Variants in BCORL1 observed in about 807,000 individuals in gnomAD.
BCORL1 encodes BCL-6 corepressor-like protein 1.
Under a neutral mutation model 87.6 loss-of-function variants are expected in BCORL1, and 7 were observed. The ratio of observed to expected loss-of-function variants is 0.08; its 90% CI spans 0.05 to 0.15. The LOEUF (loss-of-function observed/expected upper bound fraction) is 0.15, where lower values mean the gene tolerates loss of function less well. BCORL1 is among the 10% of genes least tolerant of loss of function. The probability of loss-of-function intolerance (pLI) is 1.00; values close to 1 mark genes in which losing one functional copy is unlikely to be tolerated. For synonymous variants in BCORL1, 591 were observed against 634.4 expected, an observed-to-expected ratio of 0.93 and a Z score of 1.03; for missense variants, 1,215 against 1,499.7, an observed-to-expected ratio of 0.81 and a Z score of 3.13.
intron 1 of BCORL1, among the ~76,000 whole-genome samples, chrX:130,003,562 G>A (rs745603893): frequency 9.1e-6 from 1 of 110,149 alleles, no homozygotes; most frequent in African/African-American, 3.3e-5. Context: ...GTAGAGACAG[G>A]GTTTCTCCAT....
At chrX:130,037,271 G>A (rs753802238) in intron 9 of BCORL1, 96 bp from the exon 10 acceptor site, 13 of 915,644 alleles carry the variant, frequency 1.4e-5, no homozygotes, top group Non-Finnish European at 2.1e-5. Context: ...CAGGCTCTGA[G>A]ACTCCTCAGA....
chrX:130,012,992 G>A lies in BCORL1; in HGVS notation c.220G>A (p.Ala74Thr). 4 of 1,204,694 alleles carry A rather than the reference G, an allele frequency of 3.3e-6. No individual in the cohort carries two copies. The highest frequency in any genetic ancestry group is 3.4e-6 in the Non-Finnish European group (3 of 890,199). Reference sequence around the variant, plus strand: ...TGGAAGTGGCAGCAATGCCCGGGGGGCAGACCCAGATGGCAGTGCTACAGA... The same window carrying A: ...TGGAAGTGGCAGCAATGCCCGGGGGACAGACCCAGATGGCAGTGCTACAGA... Reference protein sequence around the residue: ...AVGSGSNARGADPDGSATEKL... With the variant: ...AVGSGSNARGTDPDGSATEKL... The change falls in exon 4 of 14, where the codon GCA (alanine) becomes ACA (threonine). Residue 74 changes from alanine to threonine, a missense_variant. Physicochemically the swap from Ala to Thr is moderately conservative, Grantham distance 58. This residue lies in a region of BCORL1 where 861 missense variants were observed against 1,010.0 expected (regional missense o/e 0.85). Transcript: ENST00000540052.
At position 130,039,260 on chromosome X, in the gene BCORL1, C is replaced by T; in HGVS notation, c.4818C>T (p.Asp1606=). ...GQTAMKLASS[D]TMKRFLSDHL... is the part of the protein sequence containing the mutation. Reference sequence around the variant, plus strand: ...CAGCCATGAAGCTGGCCAGCAGCGACACCATGAAGCGCTTTCTCAGTGGTA... The same window carrying T: ...CAGCCATGAAGCTGGCCAGCAGCGATACCATGAAGCGCTTTCTCAGTGGTA... The change falls in exon 11 of 14, where the codon GAC becomes GAT. Residue 1606 remains aspartate, a synonymous_variant. Transcript: ENST00000540052. The T allele has an allele frequency of 8.3e-7, 1 of 1,210,473 alleles. No individual in the cohort carries two copies. The highest frequency in any genetic ancestry group is 1.1e-6 in the Non-Finnish European group (1 of 895,489).
intron 5 of BCORL1, 142 bp downstream of exon 5, chrX:130,021,292 A>C: frequency 9.5e-7 from 1 of 1,052,254 alleles, no homozygotes. Flanking sequence ...GATATGATTG[A>C]CCCCTCTGAA....
intron 4 of BCORL1, among the ~76,000 whole-genome samples, chrX:130,018,212 C>T (rs1027522938): frequency 8.9e-6 from 1 of 112,003 alleles, no homozygotes; most frequent in Non-Finnish European, 1.9e-5. Context: ...AGTATCTACT[C>T]ATAGAGTTGT....
chrX:130,008,490 C>T (rs1268318598), intron 2 of BCORL1, among the ~76,000 whole-genome samples: 3 of 110,679 alleles, frequency 2.7e-5, no homozygotes, highest in Admixed American at 1.9e-4. Context: ...CTCGAACTCC[C>T]GACCTCTGGT....
chrX:130,034,581 A>G lies in BCORL1; in HGVS notation c.4432A>G (p.Thr1478Ala). ...ASSEEASESP[T>A]ARQIPPEARR... ...CTCAGAGGAGGCCTCAGAGTCACCT[A>G]CAGCCCGGCAGATCCCCCCAGAGGC... is the stretch of plus-strand genomic sequence containing the variant. Residue 1478 changes from threonine to alanine, a missense_variant, in exon 9 of 14, where the codon ACA (threonine) becomes GCA (alanine). Thr to Ala is a moderately conservative substitution (Grantham distance 58). Coordinates refer to ENST00000540052, the MANE Select transcript of BCORL1 (RefSeq NM_001379451.1). 1 of 983,454 alleles carries G rather than the reference A, an allele frequency of 1.0e-6. No individual in the cohort carries two copies. The highest frequency in any genetic ancestry group is 1.3e-6 in the Non-Finnish European group (1 of 756,191). 81.0% of individuals were successfully genotyped at this position (983,454 alleles called of 1,213,427 possible). A position where few individuals can be genotyped will look rare whatever the true frequency, so the allele number is the denominator to read the frequency against.
At position 130,039,153 on chromosome X, in the gene BCORL1, G is replaced by C; in HGVS notation, c.4711G>C (p.Val1571Leu). The stretch of plus-strand genomic sequence containing the variant: ...CCTCCACAGGCCAGTTCATGATGCG[G>C]TGGTCAATGACAACCTGGAGACCAT... ...QDGTRPVHDA[V>L]VNDNLETIWL... is the part of the protein sequence containing the mutation. Residue 1571 changes from valine (V) to leucine (L), a missense_variant, in exon 11 of 14, where the codon GTG becomes CTG. This residue lies in a region of BCORL1 where 55 missense variants were observed against 115.1 expected (regional missense o/e 0.48). Transcript: ENST00000540052. 1 of 1,211,688 alleles carries C rather than the reference G, an allele frequency of 8.3e-7. No individual in the cohort carries two copies. Among genetic ancestry groups the C allele is most frequent in the Non-Finnish European group, 1.1e-6 (1 of 895,478 alleles).
chrX:129,983,984 C>T (rs1433647475), intron 1 of BCORL1, among the ~76,000 whole-genome samples: 2 of 108,726 alleles, frequency 1.8e-5, no homozygotes, highest in Non-Finnish European at 3.9e-5. Flanking sequence ...GCTCCCCCAC[C>T]CCGGGTCCTA....
intron 2 of BCORL1, among the ~76,000 whole-genome samples, chrX:130,008,853 G>A (rs1349605297): frequency 8.9e-6 from 1 of 112,130 alleles, no homozygotes; most frequent in East Asian, 2.8e-4. Flanking sequence ...GCTTGCGGCT[G>A]GCCCCAGGTG....
intron 1 of BCORL1, among the ~76,000 whole-genome samples, chrX:130,004,009 G>T (rs1928274065): frequency 8.9e-6 from 1 of 112,013 alleles, no homozygotes; most frequent in Non-Finnish European, 1.9e-5. Flanking sequence ...GTAGGGTTCT[G>T]TTCAGTTGAA....
At chrX:130,032,819 T>A (rs5977192) in intron 8 of BCORL1, among the ~76,000 whole-genome samples, 1,622 of 109,712 alleles carry the variant, frequency 0.015, 28 homozygotes, top group African/African-American at 0.05. Context: ...TGGAGTGCAG[T>A]GGCTCTATCT....
chrX:130,040,839 A>G (rs1003432498), intron 11 of BCORL1, among the ~76,000 whole-genome samples: 41 of 111,803 alleles, frequency 3.7e-4, no homozygotes, highest in Non-Finnish European at 4.3e-4. Context: ...TCTGAGACCA[A>G]CAAGCATCCA....
At chrX:129,987,823 G>GTAGA (rs779487329) in intron 1 of BCORL1, among the ~76,000 whole-genome samples, 10 of 112,123 alleles carry the variant, frequency 8.9e-5, no homozygotes, top group African/African-American at 3.2e-4. Flanking sequence ...GCCAAAGAGA[G>GTAGA]TAGAGAGCTG....
chrX:130,048,724 A>G (rs143010027), intron 11 of BCORL1, among the ~76,000 whole-genome samples: 3 of 112,440 alleles, frequency 2.7e-5, no homozygotes, highest in African/African-American at 9.7e-5. Flanking sequence ...GACAGTAAGT[A>G]CATTCACAAT....
intron 8 of BCORL1, among the ~76,000 whole-genome samples, chrX:130,033,117 C>T (rs1377069973): frequency 9.6e-6 from 1 of 104,614 alleles, no homozygotes; most frequent in African/African-American, 3.6e-5. Context: ...AGTCTCACTC[C>T]ATCACCCAGG....
At chrX:130,049,391 C>T (rs1345316381) in intron 11 of BCORL1, among the ~76,000 whole-genome samples, 3 of 111,985 alleles carry the variant, frequency 2.7e-5, no homozygotes, top group South Asian at 3.7e-4. Context: ...GAGTCTTGCT[C>T]TGTCACCCAG....
chrX:130,032,922 C>T (rs982716326), intron 8 of BCORL1, among the ~76,000 whole-genome samples: 4 of 108,724 alleles, frequency 3.7e-5, no homozygotes, highest in Non-Finnish European at 7.6e-5. Context: ...GCACCACTCC[C>T]GGCTAATTTT....
rs1225460628 is a variant in BCORL1 at position 130,012,960 on chromosome X, C to T, written c.188C>T (p.Thr63Met). Residue 63 changes from threonine to methionine, a missense_variant, in exon 4 of 14, where the codon ACG becomes ATG. Physicochemically the swap from Thr to Met is moderately conservative, Grantham distance 81. Around this residue, in one of 5 missense-constraint regions of BCORL1, gnomAD observed 861 missense variants for 1,010.0 expected, o/e 0.85. Coordinates refer to ENST00000540052, the MANE Select transcript of BCORL1 (RefSeq NM_001379451.1). ...ATCCTGTCGTTGCAGGTGGAGCTCACGGCAGTTGGAAGTGGCAGCAATGCC... is the reference window on the plus strand; with the variant it reads ...ATCCTGTCGTTGCAGGTGGAGCTCATGGCAGTTGGAAGTGGCAGCAATGCC... ...VSSSFSKVEL[T>M]AVGSGSNARG... 9 of 1,193,368 alleles carry T rather than the reference C, an allele frequency of 7.5e-6. No homozygotes were observed. Among genetic ancestry groups the T allele is most frequent in the African/African-American group, 3.5e-5 (2 of 57,322 alleles).
Sources: gnomAD v4.1 joint callset for allele counts (sites outside exome capture counted in the v4.1 genomes callset) on GRCh38, gnomAD v4.1.1 for gene constraint, gnomAD v4.1.1 regional missense constraint, MANE v1.5 for transcripts, NCBI Gene and HGNC (gene_info 2026-07-23, HGNC 2026-07-21) for gene names.